The following UNC13C variants were observed in gnomAD, a reference collection of about 807,000 sequenced individuals.
UNC13C encodes unc-13 homolog C, also known as protein unc-13 homolog C.
UNC13C carries 174 observed loss-of-function variants against 245.4 expected under a neutral mutation model. The observed-to-expected ratio is 0.71, with a 90% confidence interval of 0.63 to 0.80. The LOEUF is 0.80. Ranked by LOEUF, UNC13C falls within the 30% of genes least tolerant of loss-of-function variation. The pLI, the probability that UNC13C is intolerant of heterozygous loss-of-function variation, is 0.00. For missense variants in UNC13C, 2,829 were observed against 2,602.9 expected, an observed-to-expected ratio of 1.09 and a Z score of -1.89; for synonymous variants, 992 against 895.1, an observed-to-expected ratio of 1.11 and a Z score of -1.93.
At chr15:53,953,406 C>A in the UNC13C span, among the ~76,000 whole-genome samples, 1 of 152,158 alleles carries the variant, frequency 6.6e-6, no homozygotes, top group African/African-American at 2.4e-5. Flanking sequence ...GGCACATTAG[C>A]AATGAGTCTC....
chr15:53,972,974 T>G, the UNC13C span, among the ~76,000 whole-genome samples: 2 of 152,028 alleles, frequency 1.3e-5, no homozygotes, highest in African/African-American at 2.4e-5. Context: ...TTAGTGAGAA[T>G]ATGAATTATT....
At chr15:54,391,504 A>G (rs1258820048) in intron 17 of UNC13C, among the ~76,000 whole-genome samples, 1 of 152,126 alleles carries the variant, frequency 6.6e-6, no homozygotes, top group Non-Finnish European at 1.5e-5. Flanking sequence ...ATTACTTCCT[A>G]AAGATTCACT....
rs773014396 is a variant in UNC13C, at chr15:54,014,692, C to A, written c.1789C>A (p.Leu597Met). ...GAGGAAACAGGAAGGAACAGCGACC[C>A]TGTATGACAGTCCCAAGGACCAGCA... ...WQRKQEGTAT[L>M]YDSPKDQHLN... Residue 597 changes from leucine (L) to methionine (M), a missense_variant, in exon 2 of 33, where the codon CTG (leucine) becomes ATG (methionine). By Grantham distance (15) the Leu-to-Met change is conservative. Transcript: ENST00000260323. The A allele has an allele frequency of 6.2e-7, 1 of 1,613,740 alleles. No homozygotes were observed. The highest frequency in any genetic ancestry group is 8.5e-7 in the Non-Finnish European group (1 of 1,179,838).
intron 30 of UNC13C, among the ~76,000 whole-genome samples, chr15:54,578,724 C>T (rs1362349782): frequency 6.6e-6 from 1 of 152,210 alleles, no homozygotes; most frequent in Non-Finnish European, 1.5e-5. Flanking sequence ...CACCATGGCT[C>T]ACGCCTGTAA....
chr15:54,111,704 C>A (rs1900783666), intron 2 of UNC13C, among the ~76,000 whole-genome samples: 1 of 152,146 alleles, frequency 6.6e-6, no homozygotes, highest in South Asian at 2.1e-4. Flanking sequence ...AGAGGTCCCG[C>A]TCATCAAAGG....
At chr15:54,489,497 A>T (rs188924145) in intron 19 of UNC13C, among the ~76,000 whole-genome samples, 1 of 152,336 alleles carries the variant, frequency 6.6e-6, no homozygotes, top group East Asian at 1.9e-4. Context: ...GTGTATATAT[A>T]CATCTATATG....
the UNC13C span, among the ~76,000 whole-genome samples, chr15:53,902,690 CCAA>C: frequency 6.6e-6 from 1 of 151,942 alleles, no homozygotes; most frequent in Non-Finnish European, 1.5e-5. Context: ...ATTGTCAGTA[CCAA>C]CAGAAGCAAA....
chr15:54,607,940 CAGT>C (rs563236379), intron 30 of UNC13C, among the ~76,000 whole-genome samples: 41 of 152,078 alleles, frequency 2.7e-4, no homozygotes, highest in Non-Finnish European at 4.4e-4. Context: ...ATCAGACAAA[CAGT>C]AGTTTTTATT....
chr15:53,970,965 A>T, the UNC13C span, among the ~76,000 whole-genome samples: 1 of 152,018 alleles, frequency 6.6e-6, no homozygotes, highest in South Asian at 2.1e-4. Flanking sequence ...ACCATTTTTC[A>T]TTTCCACCAA....
chr15:54,052,893 GA>G (rs1444376450), intron 2 of UNC13C, among the ~76,000 whole-genome samples: 6 of 152,166 alleles, frequency 3.9e-5, no homozygotes, highest in African/African-American at 1.4e-4. Context: ...CAGCTAAAAG[GA>G]TATAGAAAAG....
chr15:54,510,419 G>C (rs373099817), intron 23 of UNC13C, among the ~76,000 whole-genome samples: 12 of 151,428 alleles, frequency 7.9e-5, no homozygotes, highest in African/African-American at 2.5e-4. Flanking sequence ...AAAGGACTAA[G>C]CCCAGATCAA....
chr15:54,198,644 T>C (rs2034431273), intron 4 of UNC13C, among the ~76,000 whole-genome samples: 1 of 151,970 alleles, frequency 6.6e-6, no homozygotes, highest in African/African-American at 2.4e-5. Flanking sequence ...AGGAAGCCCC[T>C]CTCCTAGGGG....
At chr15:53,988,980 T>C (rs1894264793) in intron 1 of UNC13C, among the ~76,000 whole-genome samples, 1 of 151,998 alleles carries the variant, frequency 6.6e-6, no homozygotes, top group Admixed American at 6.6e-5. Context: ...GGTTTCTAGC[T>C]AGCTAGATTC....
intron 4 of UNC13C, among the ~76,000 whole-genome samples, chr15:54,233,403 T>A (rs2035604722): frequency 6.6e-6 from 1 of 152,204 alleles, no homozygotes; most frequent in African/African-American, 2.4e-5. Context: ...AGTGCACGAC[T>A]CTGAAAATAA....
intron 30 of UNC13C, among the ~76,000 whole-genome samples, chr15:54,589,178 C>G (rs1898639735): frequency 6.6e-6 from 1 of 150,936 alleles, no homozygotes; most frequent in African/African-American, 2.4e-5. Flanking sequence ...GCCATTCTTG[C>G]AAGAGTAAGG....
intron 18 of UNC13C, among the ~76,000 whole-genome samples, chr15:54,412,385 C>T (rs543635340): frequency 6.6e-6 from 1 of 152,240 alleles, no homozygotes; most frequent in South Asian, 2.1e-4. Context: ...CAGGAGGGAA[C>T]TGCCAAACGC....
chr15:53,959,089 C>G, the UNC13C span, among the ~76,000 whole-genome samples: 8 of 152,142 alleles, frequency 5.3e-5, no homozygotes, highest in Admixed American at 1.3e-4. Context: ...ACATAATCAC[C>G]TCCAGTTCCA....
At chr15:54,533,571 T>G (rs7176139) in intron 26 of UNC13C, among the ~76,000 whole-genome samples, 2 of 152,056 alleles carry the variant, frequency 1.3e-5, no homozygotes, top group Admixed American at 1.3e-4. Flanking sequence ...AAACCATATT[T>G]TACACACTGG....
intron 7 of UNC13C, among the ~76,000 whole-genome samples, chr15:54,238,459 A>T (rs193175158): frequency 6.6e-6 from 1 of 152,252 alleles, no homozygotes; most frequent in Admixed American, 6.5e-5. Context: ...GTGCCACTTA[A>T]CTAGAATTAT....
Sources: gnomAD v4.1 joint callset for allele counts (sites outside exome capture counted in the v4.1 genomes callset) on GRCh38, gnomAD v4.1.1 for gene constraint, MANE v1.5 for transcripts, NCBI Gene and HGNC (gene_info 2026-07-23, HGNC 2026-07-21) for gene names.